MGAM: variants seen among roughly 807,000 people sequenced by gnomAD.
MGAM encodes alpha-1,4-glucosidase.
MGAM carries 253 observed loss-of-function variants against 358.8 expected under a neutral mutation model. That is an observed-to-expected ratio of 0.71 (90% CI 0.64 to 0.78). The LOEUF is 0.78. Among genes scored for constraint, MGAM ranks in the 30% least tolerant of loss-of-function variants. The pLI is 0.00. For missense variants in MGAM, 3,080 were observed against 3,432.6 expected (o/e 0.90, Z 2.57); for synonymous variants, 1,105 against 1,227.1 (o/e 0.90, Z 2.08).
intron 35 of MGAM, among the ~76,000 whole-genome samples, chr7:142,062,922 G>A (rs1266783924): frequency 2.0e-5 from 3 of 152,210 alleles, no homozygotes; most frequent in Non-Finnish European, 4.4e-5. Flanking sequence ...GGCGGGACCA[G>A]GCGTGGTGGT....
rs764616627 is a variant in MGAM at position 142,085,867 on chromosome 7, G to C, written c.6542G>C (p.Arg2181Pro). ...VQYSDIDYMERQLDFTLSPKF... is the reference protein window; with the variant it reads ...VQYSDIDYMEPQLDFTLSPKF... ...TACTCAGACATCGACTACATGGAGCGGCAGCTGGACTTCACCCTCAGCCCC... is the reference window on the plus strand; with the variant it reads ...TACTCAGACATCGACTACATGGAGCCGCAGCTGGACTTCACCCTCAGCCCC... The change falls in exon 55 of 71, where the codon CGG becomes CCG. Residue 2181 changes from arginine (R) to proline (P), a missense_variant. Physicochemically the swap from Arg to Pro is moderately radical, Grantham distance 103 (BLOSUM62 -2). This residue lies in a region of MGAM where 932 missense variants were observed against 1,198.2 expected (regional missense o/e 0.78). Coordinates refer to ENST00000475668, the MANE Select transcript of MGAM (RefSeq NM_001365693.1). 1.9e-6 allele frequency: 3 copies of C among 1,565,446 alleles called. No homozygotes were observed. The African/African-American group carries it at 4.0e-5, about 21-fold the overall frequency.
chr7:142,099,879 A>T, intron 67 of MGAM, 142 bp downstream of exon 67: 1 of 1,312,570 alleles, frequency 7.6e-7, no homozygotes, highest in Non-Finnish European at 1.0e-6. Context: ...GCTTGTTTGT[A>T]TTTTAACCTT....
chr7:142,021,806 G>A, intron 6 of MGAM, 69 bp downstream of exon 6: 1 of 1,514,270 alleles, frequency 6.6e-7, no homozygotes, highest in Non-Finnish European at 9.1e-7. Context: ...GCATGAAGAA[G>A]GGGGTGTTTC....
chr7:142,059,308 A>G (rs1289802299), intron 31 of MGAM, among the ~76,000 whole-genome samples, 164 bp from the exon 32 acceptor site: 1 of 152,148 alleles, frequency 6.6e-6, no homozygotes, highest in African/African-American at 2.4e-5. Flanking sequence ...TTTAAAAATT[A>G]AGTGTATTTC....
At chr7:142,036,324 A>G (rs978635532) in intron 17 of MGAM, 39 bp downstream of exon 17, 1 of 1,466,504 alleles carries the variant, frequency 6.8e-7, no homozygotes, top group Non-Finnish European at 9.4e-7. Context: ...TAAATTTGGC[A>G]TACATTAGGA....
intron 3 of MGAM, among the ~76,000 whole-genome samples, chr7:142,009,238 G>C (rs921551639): frequency 2.6e-5 from 4 of 152,146 alleles, no homozygotes; most frequent in African/African-American, 7.2e-5. Flanking sequence ...CCAGATTAAA[G>C]ACAGTGCAGA....
Position 142,095,694 on chromosome 7 carries a change from G to T in MGAM, c.7588G>T (p.Val2530Leu), listed in dbSNP as rs1563223025. 3 of 1,614,018 alleles carry T rather than the reference G, an allele frequency of 1.9e-6. No homozygotes were observed. The highest frequency in any genetic ancestry group is 1.1e-5 in the South Asian group (1 of 91,086). Residue 2530 changes from valine to leucine, a missense_variant, in exon 64 of 71, where the codon GTG becomes TTG. Physicochemically the swap from Val to Leu is conservative, Grantham distance 32 (BLOSUM62 1). Around this residue, in one of 5 missense-constraint regions of MGAM, gnomAD observed 932 missense variants for 1,198.2 expected, o/e 0.78. Transcript: ENST00000475668. Reference protein sequence around the residue: ...HKAHTEGVTVVRPLLHEFVSD... With the variant: ...HKAHTEGVTVLRPLLHEFVSD... Reference sequence around the variant, plus strand: ...GGCCCACACGGAGGGCGTCACTGTTGTGCGGCCTCTGCTCCATGAGTGAGT... The same window carrying T: ...GGCCCACACGGAGGGCGTCACTGTTTTGCGGCCTCTGCTCCATGAGTGAGT...
In MGAM at chr7:142,055,481, T is replaced by C. The variant is rs113782969; in HGVS notation, c.3315-77T>C. 1.3e-3 allele frequency: 2,061 copies of C among 1,562,564 alleles called. 27 individuals carry two copies. In the African/African-American group the frequency reaches 0.025, roughly 19 times the overall value. Reference sequence around the variant, plus strand: ...TCTTGGTAGGAATCAAGTGTTCTGTTGTCCTTGAAAAGTCACCTGCTGGAA... The same window carrying C: ...TCTTGGTAGGAATCAAGTGTTCTGTCGTCCTTGAAAAGTCACCTGCTGGAA... On this transcript the variant is annotated intron_variant, in intron 27 of 70. Coordinates refer to ENST00000475668, the MANE Select transcript of MGAM (RefSeq NM_001365693.1).
At chr7:141,988,943 A>G (rs1187909952) in intron 2 of MGAM, among the ~76,000 whole-genome samples, 1 of 152,158 alleles carries the variant, frequency 6.6e-6, no homozygotes, top group Non-Finnish European at 1.5e-5. Context: ...GTGGCATGAG[A>G]TGTTAAGGTC....
At chr7:142,070,894 G>T in intron 43 of MGAM, 100 bp from the exon 44 acceptor site, 1 of 1,424,810 alleles carries the variant, frequency 7.0e-7, no homozygotes, top group Non-Finnish European at 9.8e-7. Context: ...TGATGAACAG[G>T]CATAAGTTCA....
chr7:142,059,953 T>C lies in MGAM; in HGVS notation c.4046T>C (p.Ile1349Thr), dbSNP rs1811955934. ...ATCAAATACCCAAATGATGGAGACA[T>C]TGTCTGGGGAAAGGTATAATCCTAA... ...VFIKYPNDGD[I>T]VWGKVWPDFP... Residue 1349 changes from isoleucine to threonine, a missense_variant, in exon 33 of 71, where the codon ATT (isoleucine) becomes ACT (threonine). Physicochemically the swap from Ile to Thr is moderately conservative, Grantham distance 89. This residue lies in a region of MGAM where 1,816 missense variants were observed against 1,840.5 expected (regional missense o/e 0.99). Coordinates refer to ENST00000475668, the MANE Select transcript of MGAM (RefSeq NM_001365693.1). The C allele has an allele frequency of 3.7e-6, 6 of 1,605,214 alleles. No individual in the cohort carries two copies. The highest frequency in any genetic ancestry group is 2.2e-5 in the East Asian group (1 of 44,658).
chr7:142,000,657 T>G (rs1285585570), intron 1 of MGAM, among the ~76,000 whole-genome samples: 4 of 152,232 alleles, frequency 2.6e-5, no homozygotes, highest in African/African-American at 9.6e-5. Flanking sequence ...CTGATTGCTG[T>G]CTCTATGGAT....
At chr7:142,083,203 G>C in intron 52 of MGAM, 98 bp from the exon 53 acceptor site, 1 of 964,420 alleles carries the variant, frequency 1.0e-6, no homozygotes, top group Non-Finnish European at 1.6e-6. Context: ...ACTACTCTAC[G>C]ATAGGGAGGG....
chr7:142,021,419 C>A (rs1189681343), intron 5 of MGAM, among the ~76,000 whole-genome samples, 167 bp from the exon 6 acceptor site: 1 of 152,186 alleles, frequency 6.6e-6, no homozygotes, highest in African/African-American at 2.4e-5. Flanking sequence ...TAAAGACTAA[C>A]TTATGCCCAA....
At chr7:142,047,399 A>C (rs1162307933) in intron 21 of MGAM, among the ~76,000 whole-genome samples, 1 of 152,154 alleles carries the variant, frequency 6.6e-6, no homozygotes, top group East Asian at 1.9e-4. Flanking sequence ...TCCTCACAGC[A>C]CTGGACACTT....
rs1002204750 is a variant in MGAM at position 142,084,721 on chromosome 7, T to C, written c.6507+77T>C. 21 of 1,481,740 alleles carry C rather than the reference T, an allele frequency of 1.4e-5. 6 individuals are homozygous for C. The highest frequency in any genetic ancestry group is 1.8e-5 in the Admixed American group (1 of 54,568). 91.8% of individuals were successfully genotyped at this position (1,481,740 alleles called of 1,614,324 possible). A position where few individuals can be genotyped will look rare whatever the true frequency, so the allele number is the denominator to read the frequency against. ...GTGTCTGGCTTCATTTGTCTAATGT[T>C]TGTGAGATTCTATAAAGACATAATG... On this transcript the variant is annotated intron_variant, in intron 54 of 70. Transcript: ENST00000475668.
intron 13 of MGAM, 26 bp from the exon 14 acceptor site, chr7:142,032,799 A>T: frequency 6.8e-7 from 1 of 1,470,880 alleles, no homozygotes; most frequent in Non-Finnish European, 9.4e-7. Flanking sequence ...ACTTTTTCTT[A>T]ATAGTTTTTG....
At chr7:142,053,219 G>A (rs1469281933) in intron 26 of MGAM, among the ~76,000 whole-genome samples, 1 of 152,092 alleles carries the variant, frequency 6.6e-6, no homozygotes, top group African/African-American at 2.4e-5. Context: ...GAGTAGGTAC[G>A]GAGAGACAAC....
At chr7:142,105,774 A>G in intron 70 of MGAM, 40 bp from the exon 71 acceptor site, 1 of 1,516,716 alleles carries the variant, frequency 6.6e-7, no homozygotes, top group Non-Finnish European at 9.2e-7. Flanking sequence ...AGGAAATTTC[A>G]ACACCGGATG....
Sources: allele counts gnomAD v4.1 joint callset (sites outside exome capture counted in the v4.1 genomes callset), GRCh38; gene constraint gnomAD v4.1.1; regional missense constraint gnomAD v4.1.1; transcripts MANE v1.5; gene names NCBI Gene and HGNC (gene_info 2026-07-23, HGNC 2026-07-21).